HDAC3: variants seen among roughly 807,000 people sequenced by gnomAD.
HDAC3 encodes SMAP45.
A neutral mutation model predicts 62.3 loss-of-function variants in HDAC3; 21 were observed. That is an observed-to-expected ratio of 0.34 (90% CI 0.24 to 0.49). The LOEUF is 0.49. HDAC3 is among the 20% of genes least tolerant of loss of function. The probability of loss-of-function intolerance (pLI) is 0.99; values close to 1 mark genes in which losing one functional copy is unlikely to be tolerated. For synonymous variants in HDAC3, 198 were observed against 206.5 expected (o/e 0.96, Z 0.35); for missense variants, 270 against 556.9 (o/e 0.48, Z 5.19).
Position 141,621,262 on chromosome 5 carries a change from T to G in HDAC3, c.*206A>C, listed in dbSNP as rs1336861789. 6.9e-6 allele frequency: 4 copies of G among 578,186 alleles called. No individual in the cohort carries two copies. Among genetic ancestry groups the G allele is most frequent in the African/African-American group, 5.7e-5 (3 of 52,824 alleles). The allele number at this position is 578,186 out of a possible 1,614,324, so 35.8% of individuals were successfully genotyped here. On this transcript the variant is annotated 3_prime_UTR_variant, in exon 15 of 15. Coordinates refer to ENST00000305264, the MANE Select transcript of HDAC3 (RefSeq NM_003883.4). ...GATAGCTATCCTTGTCTGTATCTCATCCCTAATAGGTACCATTGTCAGGCC... is the reference window on the plus strand; with the variant it reads ...GATAGCTATCCTTGTCTGTATCTCAGCCCTAATAGGTACCATTGTCAGGCC...
chr5:141,628,209 G>C lies in HDAC3; in HGVS notation c.692-22C>G. 1.9e-6 allele frequency: 3 copies of C among 1,602,906 alleles called. No homozygotes were observed. Among genetic ancestry groups the C allele is most frequent in the Non-Finnish European group, 2.6e-6 (3 of 1,169,796 alleles). On this transcript the variant is annotated intron_variant, in intron 8 of 14. Transcript: ENST00000305264. The surrounding 1 kb of genome is among the most constrained non-coding windows in gnomAD (Gnocchi z 4.7). ...TAACCTGGGAGAGGGCCAAAGATGG[G>C]CACCTGGCACCCCAAGGGGATGGGG...
At chr5:141,623,424 C>T (rs190494591) in intron 14 of HDAC3, among the ~76,000 whole-genome samples, 9 of 152,266 alleles carry the variant, frequency 5.9e-5, no homozygotes, top group Non-Finnish European at 1.5e-5. Context: ...CCTGAGGCTT[C>T]TGCTGGCTGT....
chr5:141,633,505 A>G (rs2154598023), intron 3 of HDAC3, among the ~76,000 whole-genome samples: 1 of 152,232 alleles, frequency 6.6e-6, no homozygotes, highest in South Asian at 2.1e-4. Flanking sequence ...ACAATCTAAC[A>G]TGAGGGAGTA....
chr5:141,628,040 A>T lies in HDAC3; in HGVS notation c.765+74T>A. On this transcript the variant is annotated intron_variant, in intron 9 of 14. Transcript: ENST00000305264. This position sits in a 1 kb window ranked among gnomAD's most constrained non-coding sequence, Gnocchi z 4.7. ...GATACCCCTTCCACCACCAACCTAA[A>T]GAACCTCCTCTTCCCTTGCTCTCTT... The T allele has an allele frequency of 1.3e-6, 2 of 1,599,090 alleles. No individual in the cohort carries two copies. The highest frequency in any genetic ancestry group is 1.7e-6 in the Non-Finnish European group (2 of 1,166,236).
At chr5:141,636,432 C>T in intron 2 of HDAC3, 116 bp downstream of exon 2, 1 of 892,512 alleles carries the variant, frequency 1.1e-6, no homozygotes, top group Non-Finnish European at 1.8e-6. Flanking sequence ...GACTTCTATC[C>T]AGCTCCCCGA....
Position 141,629,414 on chromosome 5 carries a change from C to A in HDAC3, c.477-108G>T. 1 of 1,491,144 alleles carries A rather than the reference C, an allele frequency of 6.7e-7. No homozygotes were observed. The highest frequency in any genetic ancestry group is 9.2e-7 in the Non-Finnish European group (1 of 1,087,210). The allele number at this position is 1,491,144 out of a possible 1,614,324, so 92.4% of individuals were successfully genotyped here. On this transcript the variant is annotated intron_variant, in intron 6 of 14. Coordinates refer to ENST00000305264, the MANE Select transcript of HDAC3 (RefSeq NM_003883.4). This position sits in a 1 kb window ranked among gnomAD's most constrained non-coding sequence, Gnocchi z 5.3. ...AAGAGTCTGCTTCTGCCCTGGTCAC[C>A]TGAAACTTAATGTCACCAGTTCCCT...
intron 3 of HDAC3, among the ~76,000 whole-genome samples, chr5:141,634,592 T>A (rs1438588926): frequency 6.6e-6 from 1 of 152,238 alleles, no homozygotes; most frequent in Non-Finnish European, 1.5e-5. Context: ...AAATACGATA[T>A]TAAAATTTTG....
At position 141,621,115 on chromosome 5, in the gene HDAC3, T is replaced by G; in HGVS notation, c.*353A>C. ...CAGGGGAGGAGGAAGTCAGAGGCAA[T>G]CTCAGTCCTTGTCTACCCGTTCATC... On this transcript the variant is annotated 3_prime_UTR_variant, in exon 15 of 15. Coordinates refer to ENST00000305264, the MANE Select transcript of HDAC3 (RefSeq NM_003883.4). The G allele has an allele frequency of 3.8e-6, 1 of 263,936 alleles. No individual in the cohort carries two copies. The highest frequency in any genetic ancestry group is 7.3e-6 in the Non-Finnish European group (1 of 136,458). 16.3% of individuals were successfully genotyped at this position (263,936 alleles called of 1,614,324 possible). A position where few individuals can be genotyped will look rare whatever the true frequency, so the allele number is the denominator to read the frequency against.
chr5:141,628,759 C>A lies in HDAC3; in HGVS notation c.611-120G>T. The A allele has an allele frequency of 4.3e-6, 3 of 692,270 alleles. 1 individual carries two copies. The highest frequency in any genetic ancestry group is 7.3e-4 in the Middle Eastern group (2 of 2,758). The allele number at this position is 692,270 out of a possible 1,614,324, so 42.9% of individuals were successfully genotyped here. A position where few individuals can be genotyped will look rare whatever the true frequency, so the allele number is the denominator to read the frequency against. The stretch of plus-strand genomic sequence containing the variant: ...TCTATGTAGCTTCACCATAAACTCC[C>A]TAGAGCCACTAAATCTCTTGCAGCT... On this transcript the variant is annotated intron_variant, in intron 7 of 14. Coordinates refer to ENST00000305264, the MANE Select transcript of HDAC3 (RefSeq NM_003883.4). This position sits in a 1 kb window ranked among gnomAD's most constrained non-coding sequence, Gnocchi z 4.7.
chr5:141,628,048 C>G lies in HDAC3; in HGVS notation c.765+66G>C, dbSNP rs1411039243. The G allele has an allele frequency of 1.3e-6, 2 of 1,599,850 alleles. No homozygotes were observed. Among genetic ancestry groups the G allele is most frequent in the Admixed American group, 3.3e-5 (2 of 60,002 alleles). On this transcript the variant is annotated intron_variant, in intron 9 of 14. Transcript: ENST00000305264. The surrounding 1 kb of genome is among the most constrained non-coding windows in gnomAD (Gnocchi z 4.7). ...TTCCACCACCAACCTAAAGAACCTC[C>G]TCTTCCCTTGCTCTCTTTCCCCAAG...
rs1285874564 is a variant in HDAC3 at position 141,629,139 on chromosome 5, G to A, written c.610+34C>T. 1.2e-6 allele frequency: 2 copies of A among 1,611,464 alleles called. No homozygotes were observed. The highest frequency in any genetic ancestry group is 1.1e-5 in the South Asian group (1 of 90,766). On this transcript the variant is annotated intron_variant, in intron 7 of 14. Transcript: ENST00000305264. The surrounding 1 kb of genome is among the most constrained non-coding windows in gnomAD (Gnocchi z 5.3). The stretch of plus-strand genomic sequence containing the variant: ...AGGCACTCATAGTAAAGAGCTGAAG[G>A]GTGCAAAGGGGAAAGTAATCCCTAT...
In HDAC3 at chr5:141,625,349, C is replaced by T. The variant is rs867384693; in HGVS notation, c.1076G>A (p.Arg359His). 5 of 1,614,046 alleles carry T rather than the reference C, an allele frequency of 3.1e-6. No homozygotes were observed. Among genetic ancestry groups the T allele is most frequent in the Non-Finnish European group, 4.2e-6 (5 of 1,179,982 alleles). Residue 359 changes from arginine to histidine, a missense_variant, in exon 14 of 15, where the codon CGC (arginine) becomes CAC (histidine). Coordinates refer to ENST00000305264, the MANE Select transcript of HDAC3 (RefSeq NM_003883.4). This position sits in a 1 kb window ranked among gnomAD's most constrained non-coding sequence, Gnocchi z 4.0. ...QNSRQYLDQI[R>H]QTIFENLKML... Reference sequence around the variant, plus strand: ...CTTCAGGTTTTCAAAGATTGTCTGGCGGATCTGGTCCAGATACTGGTTGGA... The same window carrying T: ...CTTCAGGTTTTCAAAGATTGTCTGGTGGATCTGGTCCAGATACTGGTTGGA...
At chr5:141,633,985 T>G (rs1454928296) in intron 3 of HDAC3, among the ~76,000 whole-genome samples, 15 of 152,242 alleles carry the variant, frequency 9.9e-5, no homozygotes, top group Non-Finnish European at 2.2e-4. Flanking sequence ...ATTGAGCAAC[T>G]GGTAGCTGTG....
intron 14 of HDAC3, among the ~76,000 whole-genome samples, chr5:141,622,918 C>T (rs1004026102): frequency 6.6e-6 from 1 of 152,004 alleles, no homozygotes; most frequent in Admixed American, 6.5e-5. Context: ...GTCAGGAGTT[C>T]GAGACCAGCC....
intron 14 of HDAC3, among the ~76,000 whole-genome samples, chr5:141,623,494 T>C (rs182747079): frequency 8.5e-5 from 13 of 152,218 alleles, no homozygotes; most frequent in Non-Finnish European, 1.8e-4. Flanking sequence ...CTGGAGCTAT[T>C]GATAAAAAAC....
chr5:141,631,185 T>G (rs551208590), intron 3 of HDAC3, among the ~76,000 whole-genome samples: 30 of 151,106 alleles, frequency 2.0e-4, no homozygotes, highest in African/African-American at 7.0e-4. Context: ...ACTGTAGGGG[T>G]TTTTTGTTTG....
rs1230419772 is a variant in HDAC3 at position 141,636,785 on chromosome 5, G to C, written c.6C>G (p.Ala2=). M[A]KTVAYFYDPD... is the part of the protein sequence containing the mutation. ...GGTCGTAGAAATAGGCCACGGTCTT[G>C]GCCATGGTGCCGGCGGGAGCAGGCC... Residue 2 remains alanine (A), a synonymous_variant, in exon 1 of 15, where the codon GCC becomes GCG. Coordinates refer to ENST00000305264, the MANE Select transcript of HDAC3 (RefSeq NM_003883.4). 2 of 1,611,010 alleles carry C rather than the reference G, an allele frequency of 1.2e-6. No homozygotes were observed. Among genetic ancestry groups the C allele is most frequent in the Admixed American group, 1.7e-5 (1 of 59,778 alleles).
intron 1 of HDAC3, 49 bp downstream of exon 1, chr5:141,636,687 C>T (rs1466054381): frequency 1.2e-6 from 2 of 1,613,406 alleles, no homozygotes; most frequent in Admixed American, 1.7e-5. Context: ...GCAACCCCGC[C>T]TCAAAACCTC....
In HDAC3 at chr5:141,636,803, AGCAGG is replaced by A; in HGVS notation, c.-18_-14del. The A allele has an allele frequency of 1.3e-6, 2 of 1,590,744 alleles. No homozygotes were observed. Among genetic ancestry groups the A allele is most frequent in the Non-Finnish European group, 1.7e-6 (2 of 1,168,040 alleles). On this transcript the variant is annotated 5_prime_UTR_variant, in exon 1 of 15. Coordinates refer to ENST00000305264, the MANE Select transcript of HDAC3 (RefSeq NM_003883.4). ...CGGTCTTGGCCATGGTGCCGGCGGG[AGCAGG>A]CCCCGCACCTCCGCCGCCCGCCGCC...
Sources: allele counts gnomAD v4.1 joint callset (sites outside exome capture counted in the v4.1 genomes callset), GRCh38; gene constraint gnomAD v4.1.1; non-coding constraint Gnocchi (gnomAD v3.1); transcripts MANE v1.5; gene names NCBI Gene and HGNC (gene_info 2026-07-23, HGNC 2026-07-21).